SLBP: variants seen among roughly 807,000 people sequenced by gnomAD.
SLBP encodes the protein stem-loop histone mRNA binding protein, also known as histone RNA hairpin-binding protein.
A neutral mutation model predicts 39.2 loss-of-function variants in SLBP; 29 were observed. That is an observed-to-expected ratio of 0.74 (90% CI 0.55 to 1.01). SLBP has a LOEUF of 1.01. Ranked by LOEUF, SLBP falls within the 50% of genes least tolerant of loss-of-function variation. The probability of loss-of-function intolerance (pLI) is 0.00; values close to 1 mark genes in which losing one functional copy is unlikely to be tolerated. For synonymous variants in SLBP, 129 were observed against 118.7 expected, an observed-to-expected ratio of 1.09 and a Z score of -0.57; for missense variants, 390 against 350.2, an observed-to-expected ratio of 1.11 and a Z score of -0.91.
At chr4:1,709,285 T>C (rs1716641081) in intron 2 of SLBP, among the ~76,000 whole-genome samples, 1 of 152,140 alleles carries the variant, frequency 6.6e-6, no homozygotes, top group South Asian at 2.1e-4. Context: ...CGAGTGCCTG[T>C]ATAAGCTGGC....
chr4:1,701,509 G>A (rs761156289), intron 3 of SLBP, among the ~76,000 whole-genome samples: 2 of 152,158 alleles, frequency 1.3e-5, no homozygotes, highest in Non-Finnish European at 2.9e-5. Flanking sequence ...TTAAAGCATA[G>A]TAAGCTGACA....
chr4:1,702,486 G>A (rs1250292132), intron 3 of SLBP, among the ~76,000 whole-genome samples: 1 of 152,164 alleles, frequency 6.6e-6, no homozygotes, highest in Non-Finnish European at 1.5e-5. Flanking sequence ...CGGCTGACAC[G>A]CAAGACACAT....
Position 1,703,603 on chromosome 4 carries a change from T to C in SLBP, c.274A>G (p.Met92Val). ...GTGGTCCAAAATGTGTACCTTGCCA[T>C]TTCTTTGTTAACTCTGGTCCTCATT... ...DEMRTRVNKEMARYKRKLLIN... is the reference protein window; with the variant it reads ...DEMRTRVNKEVARYKRKLLIN... The change falls in exon 3 of 8, where the codon ATG becomes GTG. Residue 92 changes from methionine to valine, a missense_variant. Physicochemically the swap from Met to Val is conservative, Grantham distance 21. Coordinates refer to ENST00000489418, the MANE Select transcript of SLBP (RefSeq NM_006527.4). 6.2e-7 allele frequency: 1 copy of C among 1,602,888 alleles called. No individual in the cohort carries two copies. The highest frequency in any genetic ancestry group is 1.1e-5 in the South Asian group (1 of 90,840).
Position 1,693,614 on chromosome 4 carries a change from A to T in SLBP, c.796T>A (p.Phe266Ile). Residue 266 changes from phenylalanine (F) to isoleucine (I), a missense_variant, in exon 8 of 8, where the codon TTC (phenylalanine) becomes ATC (isoleucine). Coordinates refer to ENST00000489418, the MANE Select transcript of SLBP (RefSeq NM_006527.4). ...GGGGGCAGTTAGCTCATGGCTGAGA[A>T]GTCTCTCAAGGGTTCAGTTAAACAA... ...EACLTEPLRD[F>I]SAMS 4 of 1,610,360 alleles carry T rather than the reference A, an allele frequency of 2.5e-6. No homozygotes were observed. The South Asian group carries it at 4.4e-5, about 18-fold the overall frequency.
intron 5 of SLBP, among the ~76,000 whole-genome samples, chr4:1,698,130 G>A (rs1716187066): frequency 6.6e-6 from 1 of 151,820 alleles, no homozygotes; most frequent in East Asian, 1.9e-4. Flanking sequence ...GGGAGGCAGA[G>A]ACAGACGGAT....
chr4:1,710,435 CAA>C (rs553937442), intron 2 of SLBP, among the ~76,000 whole-genome samples: 1 of 152,070 alleles, frequency 6.6e-6, no homozygotes, highest in Non-Finnish European at 1.5e-5. Flanking sequence ...CTGTGTAAAC[CAA>C]AAAGTGTCTG....
At position 1,703,666 on chromosome 4, in the gene SLBP, T is replaced by C. The variant is rs1716414124; in HGVS notation, c.211A>G (p.Arg71Gly). 5.6e-6 allele frequency: 9 copies of C among 1,613,944 alleles called. No homozygotes were observed. Among genetic ancestry groups the C allele is most frequent in the Non-Finnish European group, 7.6e-6 (9 of 1,179,788 alleles). ...TTPEGPKPRSRCSDWASAVEE... is the reference protein window; with the variant it reads ...TTPEGPKPRSGCSDWASAVEE... ...ACTGCACTTGCCCAGTCAGAGCATC[T>C]GGAACGGGGTTTAGGGCCTTCAGGA... is the stretch of plus-strand genomic sequence containing the variant. Residue 71 changes from arginine (R) to glycine (G), a missense_variant, in exon 3 of 8, where the codon AGA becomes GGA. Physicochemically the swap from Arg to Gly is moderately radical, Grantham distance 125. Transcript: ENST00000489418.
At chr4:1,695,313 G>A (rs1427845200) in intron 6 of SLBP, among the ~76,000 whole-genome samples, 1 of 152,188 alleles carries the variant, frequency 6.6e-6, no homozygotes, top group African/African-American at 2.4e-5. Context: ...CCAGCACAGA[G>A]GAGAAACTCT....
chr4:1,705,817 G>A (rs749754268), intron 2 of SLBP, among the ~76,000 whole-genome samples: 3 of 152,088 alleles, frequency 2.0e-5, no homozygotes, highest in Non-Finnish European at 4.4e-5. Context: ...AGGTTGGAAC[G>A]TCATCTCCAA....
intron 3 of SLBP, among the ~76,000 whole-genome samples, chr4:1,702,038 C>T (rs996988703): frequency 6.6e-6 from 1 of 152,132 alleles, no homozygotes; most frequent in Admixed American, 6.6e-5. Flanking sequence ...ATCTGAAGAA[C>T]AAATAGGGTC....
At chr4:1,700,116 T>C (rs1357489104) in intron 3 of SLBP, 46 bp from the exon 4 acceptor site, 9 of 1,416,934 alleles carry the variant, frequency 6.4e-6, no homozygotes, top group Non-Finnish European at 7.9e-6. Flanking sequence ...GATATAAAAA[T>C]AAAGCAGCCA....
At position 1,694,785 on chromosome 4, in the gene SLBP, G is replaced by A; in HGVS notation, c.685C>T (p.Gln229Ter). Residue 229 changes from glutamine to a stop codon, truncating the protein, a stop_gained, in exon 7 of 8, where the codon CAG becomes TAG. Coordinates refer to ENST00000489418, the MANE Select transcript of SLBP (RefSeq NM_006527.4). LOFTEE classifies it high-confidence loss of function. ...ESSSEPQTSSQDDFDVYSGTP... is the reference protein window; with the variant it reads ...ESSSEPQTSS ...TCCAAAGTACTTACAAAGTCATCCT[G>A]AGAGCTGGTCTGGGGCTCGGAGCTG... The A allele has an allele frequency of 6.2e-7, 1 of 1,612,698 alleles. No homozygotes were observed. Among genetic ancestry groups the A allele is most frequent in the Non-Finnish European group, 8.5e-7 (1 of 1,178,648 alleles).
chr4:1,704,806 T>A (rs1260535339), intron 2 of SLBP, among the ~76,000 whole-genome samples: 9 of 152,242 alleles, frequency 5.9e-5, no homozygotes, highest in Middle Eastern at 3.2e-3. Flanking sequence ...CTGGCCAGTG[T>A]AGACTCCTCC....
In SLBP at chr4:1,693,524, C is replaced by T. The variant is rs1715994016; in HGVS notation, c.*73G>A. 2.3e-6 allele frequency: 2 copies of T among 854,722 alleles called. No individual in the cohort carries two copies. The highest frequency in any genetic ancestry group is 1.7e-5 in the Admixed American group (1 of 57,920). The allele number at this position is 854,722 out of a possible 1,614,324, so 52.9% of individuals were successfully genotyped here. Reference sequence around the variant, plus strand: ...AAACCACCAGGTACAAGTGCACACACATGCTTGGTGCCTGGCCAGCCTTCC... The same window carrying T: ...AAACCACCAGGTACAAGTGCACACATATGCTTGGTGCCTGGCCAGCCTTCC... On this transcript the variant is annotated 3_prime_UTR_variant, in exon 8 of 8. Coordinates refer to ENST00000489418, the MANE Select transcript of SLBP (RefSeq NM_006527.4).
intron 2 of SLBP, among the ~76,000 whole-genome samples, chr4:1,706,927 G>A (rs1391309622): frequency 1.4e-5 from 2 of 145,276 alleles, no homozygotes; most frequent in Admixed American, 6.8e-5. Context: ...GAGGTCAAGA[G>A]TTCAAGACCA....
intron 1 of SLBP, 55 bp downstream of exon 1, chr4:1,712,075 A>G (rs891027190): frequency 2.4e-6 from 3 of 1,232,168 alleles, no homozygotes; most frequent in South Asian, 3.6e-5. Context: ...GGCCCCGCAC[A>G]ACCCCCGCCC....
chr4:1,700,552 G>A (rs1355934473), intron 3 of SLBP, among the ~76,000 whole-genome samples: 1 of 140,486 alleles, frequency 7.1e-6, no homozygotes, highest in Non-Finnish European at 1.6e-5. Flanking sequence ...TGAGCTCCAA[G>A]TTCATGTGAG....
At chr4:1,711,106 C>G (rs1164995684) in intron 2 of SLBP, among the ~76,000 whole-genome samples, 1 of 150,830 alleles carries the variant, frequency 6.6e-6, no homozygotes, top group Non-Finnish European at 1.5e-5. Context: ...TGCATGATTC[C>G]GCGCTCAGCA....
intron 3 of SLBP, among the ~76,000 whole-genome samples, chr4:1,700,596 G>A (rs1716288992): frequency 6.6e-6 from 1 of 151,312 alleles, no homozygotes; most frequent in Non-Finnish European, 1.5e-5. Flanking sequence ...GTCTCACTCT[G>A]TCACCCAGGC....
Sources: gnomAD v4.1 joint callset for allele counts (sites outside exome capture counted in the v4.1 genomes callset) on GRCh38, gnomAD v4.1.1 for gene constraint, MANE v1.5 for transcripts, NCBI Gene and HGNC (gene_info 2026-07-23, HGNC 2026-07-21) for gene names.